CELF2: variants seen among roughly 807,000 people sequenced by gnomAD.
CELF2 encodes CUGBP Elav-like family member 2, also known as CUG triplet repeat RNA-binding protein 2.
CELF2 carries 8 observed loss-of-function variants against 62.6 expected under a neutral mutation model. The ratio of observed to expected loss-of-function variants is 0.13; its 90% confidence interval spans 0.07 to 0.23. The LOEUF (loss-of-function observed/expected upper bound fraction) is 0.23. Among genes scored for constraint, CELF2 ranks in the 10% least tolerant of loss-of-function variants. CELF2 has a pLI of 1.00. For missense variants in CELF2, 333 were observed against 671.0 expected (o/e 0.50, Z 5.56); for synonymous variants, 258 against 250.0 (o/e 1.03, Z -0.30).
chr10:11,183,889 A>G (rs938468929), intron 2 of CELF2, among the ~76,000 whole-genome samples: 1 of 152,168 alleles, frequency 6.6e-6, no homozygotes, highest in African/African-American at 2.4e-5. Flanking sequence ...TTATCTCTTA[A>G]TATTTTTTAA....
the CELF2 span, among the ~76,000 whole-genome samples, chr10:10,552,432 A>G: frequency 2.6e-5 from 4 of 152,184 alleles, no homozygotes; most frequent in Non-Finnish European, 4.4e-5. Flanking sequence ...TTTGCCTGGT[A>G]TATTTGTTCT....
At chr10:10,630,967 A>G in the CELF2 span, among the ~76,000 whole-genome samples, 1 of 152,212 alleles carries the variant, frequency 6.6e-6, no homozygotes, top group African/African-American at 2.4e-5. Context: ...ATGTGATGTC[A>G]TAGAGTGACA....
chr10:11,297,435 C>A lies in CELF2; in HGVS notation c.976+8883C>A, dbSNP rs752908545. ...GACCAGGTGCAGAAAGCCTTGGGGT[C>A]TGTGCTTGTGGAACAGAGGGACCAG... On this transcript the variant is annotated intron_variant, in intron 9 of 12. Coordinates refer to ENST00000633077, the MANE Select transcript of CELF2 (RefSeq NM_001326342.2). The surrounding 1 kb of genome is among the most constrained non-coding windows in gnomAD (Gnocchi z 4.4). 2.0e-5 allele frequency among the ~76,000 whole-genome samples: 3 copies of A among 152,046 alleles called. No individual in the cohort carries two copies. The highest frequency in any genetic ancestry group is 2.9e-5 in the Non-Finnish European group (2 of 68,014).
the CELF2 span, among the ~76,000 whole-genome samples, chr10:10,573,267 G>A: frequency 6.6e-6 from 1 of 152,096 alleles, no homozygotes; most frequent in Admixed American, 6.5e-5. Flanking sequence ...TTTGTCAGAT[G>A]GATAGATTGT....
At chr10:10,911,903 T>C (rs776570166) in intron 1 of CELF2, among the ~76,000 whole-genome samples, 5 of 152,256 alleles carry the variant, frequency 3.3e-5, no homozygotes, top group Admixed American at 6.5e-5. Flanking sequence ...GGCTGGCCTC[T>C]GTAGCGATGT....
At chr10:10,834,097 T>C (rs890266036) in intron 1 of CELF2, among the ~76,000 whole-genome samples, 3 of 151,986 alleles carry the variant, frequency 2.0e-5, no homozygotes, top group Admixed American at 2.0e-4. Context: ...ATAAAGAAAA[T>C]ATGGTACATA....
the CELF2 span, among the ~76,000 whole-genome samples, chr10:10,733,877 T>A: frequency 6.6e-6 from 1 of 152,186 alleles, no homozygotes; most frequent in African/African-American, 2.4e-5. Flanking sequence ...GGACAAACTG[T>A]GTCAGGGCCT....
At chr10:11,139,945 T>C (rs894219805) in intron 1 of CELF2, among the ~76,000 whole-genome samples, 2 of 152,100 alleles carry the variant, frequency 1.3e-5, no homozygotes, top group Non-Finnish European at 2.9e-5. Context: ...ACTGTTAATA[T>C]GGTAGAGTAA....
At chr10:11,083,419 C>T (rs945332652) in intron 1 of CELF2, among the ~76,000 whole-genome samples, 1 of 152,158 alleles carries the variant, frequency 6.6e-6, no homozygotes. Flanking sequence ...GAGGCCACAA[C>T]CGACTGGCCT....
the CELF2 span, among the ~76,000 whole-genome samples, chr10:10,526,081 TG>T: frequency 2.6e-5 from 4 of 152,240 alleles, no homozygotes; most frequent in African/African-American, 9.6e-5. Context: ...GATGCTGGCA[TG>T]TTTTTTCACA....
chr10:10,548,719 T>C, the CELF2 span, among the ~76,000 whole-genome samples: 16,839 of 152,262 alleles, frequency 0.11, 1,049 homozygotes, highest in East Asian at 0.27. Flanking sequence ...ATAATAGTCA[T>C]AAATAAATGT....
At chr10:10,819,708 A>G (rs11817604) in intron 1 of CELF2, among the ~76,000 whole-genome samples, 12,282 of 152,198 alleles carry the variant, frequency 0.081, 617 homozygotes, top group East Asian at 0.23. Flanking sequence ...CCAAGATGTC[A>G]AGCAGCTCTC....
At chr10:11,092,592 A>G (rs1434718084) in intron 1 of CELF2, among the ~76,000 whole-genome samples, 1 of 152,244 alleles carries the variant, frequency 6.6e-6, no homozygotes, top group Non-Finnish European at 1.5e-5. Flanking sequence ...AAAGAAGGGT[A>G]TGATCTCATG....
chr10:10,698,847 A>G, the CELF2 span, among the ~76,000 whole-genome samples: 3 of 152,320 alleles, frequency 2.0e-5, no homozygotes, highest in East Asian at 3.9e-4. Flanking sequence ...CACTGTCATC[A>G]CCATCTTAAT....
chr10:11,187,371 A>G (rs1025308423), intron 2 of CELF2, among the ~76,000 whole-genome samples: 9 of 152,196 alleles, frequency 5.9e-5, no homozygotes, highest in Admixed American at 4.6e-4. Context: ...CTGTTAAATA[A>G]TATATATTTT....
At position 11,242,596 on chromosome 10, in the gene CELF2, T is replaced by C. The variant is rs906757752; in HGVS notation, c.355-6557T>C. On this transcript the variant is annotated intron_variant, in intron 3 of 12. Transcript: ENST00000633077. This position sits in a 1 kb window ranked among gnomAD's most constrained non-coding sequence, Gnocchi z 4.8. ...AGAGCTGTGTGCAGCGCTCTGTGCATGCACTTACCCCTCAGACTTGAGAAA... is the reference window on the plus strand; with the variant it reads ...AGAGCTGTGTGCAGCGCTCTGTGCACGCACTTACCCCTCAGACTTGAGAAA... Among the ~76,000 whole-genome samples the C allele has an allele frequency of 6.6e-6, 1 of 152,218 alleles. No individual in the cohort carries two copies. Among genetic ancestry groups the C allele is most frequent in the African/African-American group, 2.4e-5 (1 of 41,450 alleles).
the CELF2 span, among the ~76,000 whole-genome samples, chr10:10,719,873 G>A: frequency 2.0e-5 from 3 of 152,112 alleles, no homozygotes; most frequent in Non-Finnish European, 4.4e-5. Flanking sequence ...TGGGCGGTGG[G>A]GATTAGAGCA....
At chr10:10,492,276 T>C in the CELF2 span, among the ~76,000 whole-genome samples, 18 of 152,070 alleles carry the variant, frequency 1.2e-4, no homozygotes, top group African/African-American at 4.1e-4. Context: ...TCTTTTCCAT[T>C]CTCCTCAGAG....
chr10:11,189,024 C>T (rs10905914), intron 2 of CELF2, among the ~76,000 whole-genome samples: 163 of 152,102 alleles, frequency 1.1e-3, no homozygotes, highest in African/African-American at 3.7e-3. Flanking sequence ...CCAAATACAG[C>T]GATAAATAAC....
Sources: allele counts gnomAD v4.1 joint callset (sites outside exome capture counted in the v4.1 genomes callset), GRCh38; gene constraint gnomAD v4.1.1; non-coding constraint Gnocchi (gnomAD v3.1); transcripts MANE v1.5; gene names NCBI Gene and HGNC (gene_info 2026-07-23, HGNC 2026-07-21).